UBAP1: variants seen among roughly 807,000 people sequenced by gnomAD.
UBAP1 encodes ubiquitin associated protein 1, also known as ubiquitin-associated protein 1.
In UBAP1, 5 loss-of-function variants were observed where a neutral mutation model predicts 39.0. The observed-to-expected ratio is 0.13, with a 90% CI of 0.07 to 0.27. The LOEUF is 0.27. Ranked by LOEUF, UBAP1 falls within the 10% of genes least tolerant of loss-of-function variation. UBAP1 has a pLI of 1.00. For missense variants in UBAP1, 490 were observed against 608.1 expected (o/e 0.81, Z 2.04); for synonymous variants, 211 against 225.1 (o/e 0.94, Z 0.56).
At chr9:34,246,571 C>T (rs1834187118) in intron 4 of UBAP1, among the ~76,000 whole-genome samples, 3 of 152,234 alleles carry the variant, frequency 2.0e-5, no homozygotes, top group Non-Finnish European at 2.9e-5. Context: ...GACCTCTCTG[C>T]AAGCTCACAC....
At chr9:34,244,442 G>A (rs1251460534) in intron 4 of UBAP1, among the ~76,000 whole-genome samples, 4 of 101,430 alleles carry the variant, frequency 3.9e-5, no homozygotes, top group Non-Finnish European at 7.9e-5. Flanking sequence ...ATCCATCCTT[G>A]TTTAAGTTCT....
In UBAP1 at chr9:34,213,088, AAAAAC is replaced by A. The variant is rs547832906; in HGVS notation, c.-7-7815_-7-7811del. Reference sequence around the variant, plus strand: ...TGTGATACACCACATAAACAGAATTAAAAACAAAAGTCACATGATCATCTCAATAG... The same window carrying A: ...TGTGATACACCACATAAACAGAATTAAAAAGTCACATGATCATCTCAATAG... On this transcript the variant is annotated intron_variant, in intron 1 of 6. Transcript: ENST00000297661. Among the ~76,000 whole-genome samples, 7 of 152,342 alleles carry A rather than the reference AAAAAC, an allele frequency of 4.6e-5. No homozygotes were observed. The South Asian group carries it at 1.0e-3, about 23-fold the overall frequency.
rs761118655 is a variant in UBAP1, at chr9:34,251,571, C to T, written c.*39C>T. On this transcript the variant is annotated 3_prime_UTR_variant, in exon 7 of 7. Transcript: ENST00000297661. ...CTAGGCCCTGCCGCAGAACCACCAT[C>T]CCTGGGAGGCCCTGCAGAGCCCACC... 6.2e-7 allele frequency: 1 copy of T among 1,602,844 alleles called. No individual in the cohort carries two copies. Among genetic ancestry groups the T allele is most frequent in the East Asian group, 2.2e-5 (1 of 44,752 alleles).
At chr9:34,217,924 A>AT (rs989191461) in intron 1 of UBAP1, among the ~76,000 whole-genome samples, 1 of 145,642 alleles carries the variant, frequency 6.9e-6, no homozygotes, top group Non-Finnish European at 1.5e-5. Flanking sequence ...GATTTCATTC[A>AT]TTTTTTTATG....
intron 1 of UBAP1, among the ~76,000 whole-genome samples, chr9:34,187,156 C>A (rs1457309950): frequency 1.3e-5 from 2 of 152,184 alleles, no homozygotes; most frequent in Non-Finnish European, 2.9e-5. Context: ...GATCCACCCG[C>A]CTGGGCCTCC....
At chr9:34,219,631 A>G (rs889551423) in intron 1 of UBAP1, among the ~76,000 whole-genome samples, 25 of 150,048 alleles carry the variant, frequency 1.7e-4, no homozygotes, top group Admixed American at 6.6e-5. Context: ...CAGCATCCCT[A>G]ATCTGAAAAA....
intron 6 of UBAP1, 88 bp downstream of exon 6, chr9:34,250,847 C>A: frequency 8.8e-7 from 1 of 1,136,052 alleles, no homozygotes; most frequent in Non-Finnish European, 1.3e-6. Context: ...CACACACAAC[C>A]TTTTTGCTTT....
chr9:34,206,589 A>C (rs1288995215), intron 1 of UBAP1, among the ~76,000 whole-genome samples: 3 of 150,788 alleles, frequency 2.0e-5, no homozygotes, highest in African/African-American at 4.9e-5. Flanking sequence ...ACTTAAAAAA[A>C]AAACAAACCA....
intron 2 of UBAP1, among the ~76,000 whole-genome samples, chr9:34,231,194 T>A (rs911992791): frequency 1.4e-5 from 2 of 147,458 alleles, no homozygotes; most frequent in Non-Finnish European, 3.0e-5. Context: ...GGGGTTAGAT[T>A]GAATCCAGAA....
intron 1 of UBAP1, among the ~76,000 whole-genome samples, chr9:34,210,751 G>C (rs1020717112): frequency 1.4e-5 from 2 of 140,502 alleles, no homozygotes; most frequent in African/African-American, 5.1e-5. Context: ...TTTTTTACAT[G>C]TTTTCTATAG....
chr9:34,218,183 C>T (rs1162197832), intron 1 of UBAP1, among the ~76,000 whole-genome samples: 1 of 128,278 alleles, frequency 7.8e-6, no homozygotes, highest in Non-Finnish European at 1.6e-5. Flanking sequence ...ACCCGGGAGG[C>T]GGTGGTTGCA....
intron 1 of UBAP1, among the ~76,000 whole-genome samples, chr9:34,182,850 A>G (rs1830168337): frequency 6.6e-6 from 1 of 151,932 alleles, no homozygotes; most frequent in Non-Finnish European, 1.5e-5. Context: ...AGCTGGGACT[A>G]CAGGTGCCCA....
At position 34,180,610 on chromosome 9, in the gene UBAP1, A is replaced by G. The variant is rs540094664; in HGVS notation, c.-8+1370A>G. On this transcript the variant is annotated intron_variant, in intron 1 of 6. Coordinates refer to ENST00000297661, the MANE Select transcript of UBAP1 (RefSeq NM_016525.5). ...ATTAACTTACTATAAGTGAAATTTT[A>G]TTAAATTTTTGTTTCTAGTTCTATT... Among the ~76,000 whole-genome samples the G allele has an allele frequency of 9.4e-4, 143 of 152,128 alleles. 2 individuals are homozygous for G. The highest frequency in any genetic ancestry group is 3.0e-3 in the African/African-American group (126 of 41,522).
rs148277146 is a variant in UBAP1, at chr9:34,251,420, A to T, written c.1397A>T (p.Lys466Ile). Reference sequence around the variant, plus strand: ...ATGGAGTTTCTTCAGTTAATGAGCAAATTTAAGGAGATGGGCTTTGAGCTG... The same window carrying T: ...ATGGAGTTTCTTCAGTTAATGAGCATATTTAAGGAGATGGGCTTTGAGCTG... ...KMMEFLQLMS[K>I]FKEMGFELKD... Residue 466 changes from lysine (K) to isoleucine (I), a missense_variant, in exon 7 of 7, where the codon AAA (lysine) becomes ATA (isoleucine). Physicochemically the swap from Lys to Ile is moderately radical, Grantham distance 102. Around this residue, in one of 3 missense-constraint regions of UBAP1, gnomAD observed 339 missense variants for 390.0 expected, o/e 0.87. Transcript: ENST00000297661. The T allele has an allele frequency of 6.2e-7, 1 of 1,614,114 alleles. No homozygotes were observed. The highest frequency in any genetic ancestry group is 1.7e-5 in the Admixed American group (1 of 60,006).
At position 34,248,376 on chromosome 9, in the gene UBAP1, T is replaced by C. The variant is rs557127628; in HGVS notation, c.1084-1403T>C. Among the ~76,000 whole-genome samples, 35 of 152,290 alleles carry C rather than the reference T, an allele frequency of 2.3e-4. 1 individual carries two copies. In the South Asian group the frequency reaches 4.2e-3, roughly 18 times the overall value. On this transcript the variant is annotated intron_variant, in intron 4 of 6. Transcript: ENST00000297661. ...CATTTGTAATGTGCAGTATTCTGGG[T>C]GTATGCCTGCATCCCACCAGGCATT...
intron 4 of UBAP1, 42 bp downstream of exon 4, chr9:34,242,150 A>G: frequency 6.6e-7 from 1 of 1,517,184 alleles, no homozygotes; most frequent in South Asian, 1.3e-5. Context: ...TATTTTCCTG[A>G]TGACAGGGAT....
chr9:34,194,997 C>T (rs867059135), intron 1 of UBAP1, among the ~76,000 whole-genome samples: 13 of 152,158 alleles, frequency 8.5e-5, no homozygotes, highest in African/African-American at 2.9e-4. Context: ...GACTTGACCC[C>T]TGACAATTCT....
At chr9:34,198,021 G>T (rs7036537) in intron 1 of UBAP1, among the ~76,000 whole-genome samples, 106,526 of 152,068 alleles carry the variant, frequency 0.7, 39,338 homozygotes, top group East Asian at 0.95. Context: ...CAAGCAGGGC[G>T]TGCTGCTGGA....
At chr9:34,230,613 G>T (rs1053776980) in intron 2 of UBAP1, among the ~76,000 whole-genome samples, 5 of 152,112 alleles carry the variant, frequency 3.3e-5, no homozygotes, top group Non-Finnish European at 7.4e-5. Flanking sequence ...ATTAGAAAGA[G>T]CTTTTGTTCT....
Sources: allele counts gnomAD v4.1 joint callset (sites outside exome capture counted in the v4.1 genomes callset), GRCh38; gene constraint gnomAD v4.1.1; regional missense constraint gnomAD v4.1.1; transcripts MANE v1.5; gene names NCBI Gene and HGNC (gene_info 2026-07-23, HGNC 2026-07-21).